ZNF727: variants seen among roughly 807,000 people sequenced by gnomAD.
ZNF727 encodes putative zinc finger protein 727.
A neutral mutation model predicts 11.5 loss-of-function variants in ZNF727; 11 were observed. The observed-to-expected ratio is 0.95, with a 90% CI of 0.60 to 1.58. The LOEUF (loss-of-function observed/expected upper bound fraction) is 1.58. Among genes scored for constraint, ZNF727 ranks in the 40% most tolerant of loss-of-function variants. The pLI is 0.00. For missense variants in ZNF727, 533 were observed against 581.7 expected (o/e 0.92, Z 0.86); for synonymous variants, 171 against 196.1 (o/e 0.87, Z 1.07).
At chr7:64,048,904 T>C (rs1789549686) in intron 1 of ZNF727, among the ~76,000 whole-genome samples, 1 of 152,114 alleles carries the variant, frequency 6.6e-6, no homozygotes, top group South Asian at 2.1e-4. Context: ...CTAAAACAGA[T>C]TGGTGGCCAA....
intron 3 of ZNF727, among the ~76,000 whole-genome samples, chr7:64,073,980 A>G (rs1790002980): frequency 6.6e-6 from 1 of 152,052 alleles, no homozygotes; most frequent in Non-Finnish European, 1.5e-5. Context: ...CTTTAAACAG[A>G]CCCACTGTTC....
chr7:64,063,514 TG>T (rs1481403987), intron 1 of ZNF727, among the ~76,000 whole-genome samples: 7,419 of 151,058 alleles, frequency 0.049, 204 homozygotes, highest in South Asian at 0.073. Flanking sequence ...TGCCTGGAGC[TG>T]GAGTGGGTGT....
chr7:64,068,811 C>T (rs1789911589), intron 1 of ZNF727, 80 bp from the exon 2 acceptor site: 1 of 1,489,248 alleles, frequency 6.7e-7, no homozygotes, highest in Non-Finnish European at 9.1e-7. Context: ...TCAGAACCAG[C>T]TCTCTTTACT....
Position 64,078,491 on chromosome 7 carries a change from G to A in ZNF727, c.1442G>A (p.Ser481Asn), listed in dbSNP as rs754012290. Residue 481 changes from serine (S) to asparagine (N), a missense_variant, in exon 4 of 4, where the codon AGT becomes AAT. By Grantham distance (46) the Ser-to-Asn change is conservative. Transcript: ENST00000456806. ...AGTCATACTGGAGACAGACCTACAA[G>A]TGCAAAGAATGTGGCAAAGCCTTTA... ...KRSHTGDRPT[S>N]AKNVAKPLGG... 1 of 1,563,878 alleles carries A rather than the reference G, an allele frequency of 6.4e-7. No homozygotes were observed. The highest frequency in any genetic ancestry group is 8.7e-7 in the Non-Finnish European group (1 of 1,154,042).
At chr7:64,071,810 C>T (rs1398775434) in intron 3 of ZNF727, among the ~76,000 whole-genome samples, 5 of 151,602 alleles carry the variant, frequency 3.3e-5, no homozygotes, top group African/African-American at 1.2e-4. Flanking sequence ...CTGGGTATTC[C>T]CTTTTCCCAG....
rs1785717584 is a variant in ZNF727, at chr7:64,078,159, T to C, written c.1110T>C (p.Cys370=). The C allele has an allele frequency of 6.3e-7, 1 of 1,596,398 alleles. No individual in the cohort carries two copies. Among genetic ancestry groups the C allele is most frequent in the East Asian group, 2.3e-5 (1 of 43,678 alleles). Residue 370 remains cysteine (C), a synonymous_variant, in exon 4 of 4, where the codon TGT becomes TGC. Coordinates refer to ENST00000456806, the MANE Select transcript of ZNF727 (RefSeq NM_001159522.3). ...RIHMELRPYK[C]EECGKTFKWF... is the part of the protein sequence containing the mutation. ...ATATGGAATTGAGACCTTACAAATG[T>C]GAAGAATGTGGCAAAACCTTTAAGT...
At position 64,079,258 on chromosome 7, in the gene ZNF727, A is replaced by G. The variant is rs1169907561; in HGVS notation, c.*709A>G. Among the ~76,000 whole-genome samples the G allele has an allele frequency of 6.6e-6, 1 of 152,218 alleles. No homozygotes were observed. The highest frequency in any genetic ancestry group is 6.5e-5 in the Admixed American group (1 of 15,284). On this transcript the variant is annotated 3_prime_UTR_variant, in exon 4 of 4. Transcript: ENST00000456806. ...AGCTCCACAAGTGTTAAAAATGTGG[A>G]AAAGCCTTTAACAATTCGTCATATT... is the stretch of plus-strand genomic sequence containing the variant.
chr7:64,059,776 A>T (rs138090350), intron 1 of ZNF727, among the ~76,000 whole-genome samples: 2 of 152,364 alleles, frequency 1.3e-5, no homozygotes, highest in African/African-American at 2.4e-5. Context: ...AGACTTAATT[A>T]TCCAACTTGA....
At chr7:64,076,418 C>T (rs1182880851) in intron 3 of ZNF727, among the ~76,000 whole-genome samples, 1 of 152,042 alleles carries the variant, frequency 6.6e-6, no homozygotes, top group Non-Finnish European at 1.5e-5. Context: ...CAAGATTAGC[C>T]TGGCCAACAC....
intron 1 of ZNF727, among the ~76,000 whole-genome samples, chr7:64,053,385 G>A (rs56303175): frequency 0.78 from 118,516 of 152,072 alleles, 46,281 homozygotes; most frequent in Admixed American, 0.8. Context: ...CAGTGGCACA[G>A]TCTCGGCTCA....
At chr7:64,056,921 T>C (rs1789694119) in intron 1 of ZNF727, among the ~76,000 whole-genome samples, 1 of 152,140 alleles carries the variant, frequency 6.6e-6, no homozygotes, top group Admixed American at 6.6e-5. Flanking sequence ...GCTTTTCTGT[T>C]GTATGTGTTT....
At chr7:64,068,747 A>G (rs1255260719) in intron 1 of ZNF727, 144 bp from the exon 2 acceptor site, 10 of 982,686 alleles carry the variant, frequency 1.0e-5, no homozygotes, top group African/African-American at 1.7e-5. Context: ...TACATTAGAG[A>G]ATATTTCTGT....
chr7:64,079,440 C>A lies in ZNF727; in HGVS notation c.*891C>A, dbSNP rs184913982. The stretch of plus-strand genomic sequence containing the variant: ...TATAGCCCTTTACTATTATGTAATG[C>A]CATTTTTTGTCTTTTTAAAAAAATC... On this transcript the variant is annotated 3_prime_UTR_variant, in exon 4 of 4. Coordinates refer to ENST00000456806, the MANE Select transcript of ZNF727 (RefSeq NM_001159522.3). Among the ~76,000 whole-genome samples the A allele has an allele frequency of 0.017, 2,590 of 151,738 alleles. 43 individuals carry two copies. Among genetic ancestry groups the A allele is most frequent in the Middle Eastern group, 0.038 (11 of 292 alleles).
chr7:64,075,874 A>G (rs938029189), intron 3 of ZNF727, among the ~76,000 whole-genome samples: 3 of 152,188 alleles, frequency 2.0e-5, no homozygotes, highest in African/African-American at 4.8e-5. Flanking sequence ...GCCTCTGAAC[A>G]TGTAGGAAAA....
chr7:64,058,037 G>C (rs1267391214), intron 1 of ZNF727, among the ~76,000 whole-genome samples: 1 of 152,198 alleles, frequency 6.6e-6, no homozygotes, highest in Non-Finnish European at 1.5e-5. Context: ...TATGCCCTGG[G>C]TTACTCAAAA....
At chr7:64,074,890 C>G (rs971211227) in intron 3 of ZNF727, among the ~76,000 whole-genome samples, 1 of 151,984 alleles carries the variant, frequency 6.6e-6, no homozygotes, top group African/African-American at 2.4e-5. Context: ...TCTTAATAAC[C>G]ATTATTTTTA....
At chr7:64,050,467 G>A (rs1304382077) in intron 1 of ZNF727, among the ~76,000 whole-genome samples, 3 of 152,162 alleles carry the variant, frequency 2.0e-5, no homozygotes, top group Non-Finnish European at 4.4e-5. Flanking sequence ...TCTTCAAGGG[G>A]TCCCAGGCTG....
intron 1 of ZNF727, among the ~76,000 whole-genome samples, chr7:64,046,045 C>G (rs532632714): frequency 6.6e-6 from 1 of 152,232 alleles, no homozygotes; most frequent in African/African-American, 2.4e-5. Context: ...GAGACAGTGT[C>G]TCACTCTGTG....
At position 64,083,794 on chromosome 7, in the gene ZNF727, C is replaced by T. The variant is rs567716825; in HGVS notation, c.*5245C>T. On this transcript the variant is annotated 3_prime_UTR_variant, in exon 4 of 4. Transcript: ENST00000456806. Reference sequence around the variant, plus strand: ...TCCTGCCTTGCTTTACTCCATTCTCCGTAAGTTAAGTTGTTTCTTTCATTA... The same window carrying T: ...TCCTGCCTTGCTTTACTCCATTCTCTGTAAGTTAAGTTGTTTCTTTCATTA... Among the ~76,000 whole-genome samples, 4 of 152,218 alleles carry T rather than the reference C, an allele frequency of 2.6e-5. No homozygotes were observed. The South Asian group carries it at 6.2e-4, about 24-fold the overall frequency.
Sources: allele counts gnomAD v4.1 joint callset (sites outside exome capture counted in the v4.1 genomes callset), GRCh38; gene constraint gnomAD v4.1.1; transcripts MANE v1.5; gene names NCBI Gene and HGNC (gene_info 2026-07-23, HGNC 2026-07-21).